DPY19L1: variants seen among roughly 807,000 people sequenced by gnomAD.
DPY19L1 encodes the protein dpy-19 like C-mannosyltransferase 1.
A neutral mutation model predicts 96.9 loss-of-function variants in DPY19L1; 35 were observed. The ratio of observed to expected loss-of-function variants is 0.36; its 90% CI spans 0.28 to 0.48. The LOEUF (loss-of-function observed/expected upper bound fraction) is 0.48. Ranked by LOEUF, DPY19L1 falls within the 20% of genes least tolerant of loss-of-function variation. The pLI, the probability that DPY19L1 is intolerant of heterozygous loss-of-function variation, is 0.99. For missense variants in DPY19L1, 521 were observed against 777.9 expected, an observed-to-expected ratio of 0.67 and a Z score of 3.93; for synonymous variants, 205 against 252.6, an observed-to-expected ratio of 0.81 and a Z score of 1.79.
At position 34,958,008 on chromosome 7, in the gene DPY19L1, A is replaced by G; in HGVS notation, c.1155T>C (p.Tyr385=). The G allele has an allele frequency of 1.3e-6, 2 of 1,585,406 alleles. No individual in the cohort carries two copies. Among genetic ancestry groups the G allele is most frequent in the African/African-American group, 2.7e-5 (2 of 73,306 alleles). The change falls in exon 11 of 22, where the codon TAT becomes TAC. Residue 385 remains tyrosine (Y), a synonymous_variant. Transcript: ENST00000638088. The part of the protein sequence containing the change: ...FGNSMLLTSY[Y]ASSLVIIWGI... ...CCCAAATAATTACCAAAGAAGAAGCATAATAAGAAGTTAATAACATTGAGT... is the reference window on the plus strand; with the variant it reads ...CCCAAATAATTACCAAAGAAGAAGCGTAATAAGAAGTTAATAACATTGAGT...
At chr7:35,004,846 G>T (rs892220257) in intron 6 of DPY19L1, among the ~76,000 whole-genome samples, 1 of 152,170 alleles carries the variant, frequency 6.6e-6, no homozygotes, top group South Asian at 2.1e-4. Flanking sequence ...CAAGTAGGCA[G>T]CAGTGACTGG....
intron 21 of DPY19L1, among the ~76,000 whole-genome samples, chr7:34,937,270 T>C (rs1783888510): frequency 6.6e-6 from 1 of 152,202 alleles, no homozygotes. Context: ...TCAAGTAAGA[T>C]GTGAAACACC....
chr7:35,007,004 T>C (rs1785575630), intron 6 of DPY19L1, among the ~76,000 whole-genome samples: 1 of 152,204 alleles, frequency 6.6e-6, no homozygotes, highest in Non-Finnish European at 1.5e-5. Context: ...CTCCTCTTTA[T>C]TTTTAACCCA....
intron 8 of DPY19L1, among the ~76,000 whole-genome samples, chr7:34,970,801 T>C (rs1379865769): frequency 6.7e-6 from 1 of 148,456 alleles, no homozygotes; most frequent in Non-Finnish European, 1.5e-5. Context: ...AAAATAGCTC[T>C]GACCCAAGAC....
chr7:35,001,700 C>A (rs1785430032), intron 6 of DPY19L1, among the ~76,000 whole-genome samples: 1 of 152,166 alleles, frequency 6.6e-6, no homozygotes, highest in South Asian at 2.1e-4. Flanking sequence ...TCAACCTTAA[C>A]AGATTCCACC....
At chr7:34,945,331 AT>A (rs1784121568) in intron 16 of DPY19L1, among the ~76,000 whole-genome samples, 1 of 152,048 alleles carries the variant, frequency 6.6e-6, no homozygotes, top group Non-Finnish European at 1.5e-5. Flanking sequence ...TTCCCTGCTC[AT>A]TTCCAAAAAG....
chr7:35,029,266 A>C (rs1786203741), intron 1 of DPY19L1, among the ~76,000 whole-genome samples: 1 of 152,250 alleles, frequency 6.6e-6, no homozygotes. Context: ...CTTATTAAAA[A>C]AGTGCATTTT....
chr7:34,953,161 G>A (rs551121481), intron 13 of DPY19L1, among the ~76,000 whole-genome samples: 52 of 152,160 alleles, frequency 3.4e-4, no homozygotes, highest in Non-Finnish European at 6.2e-4. Flanking sequence ...AAAAGGCTGG[G>A]TAGCCTTGCC....
chr7:34,938,062 C>T lies in DPY19L1; in HGVS notation c.2022G>A (p.Lys674=), dbSNP rs772925191. 4 of 1,613,872 alleles carry T rather than the reference C, an allele frequency of 2.5e-6. No individual in the cohort carries two copies. The South Asian group carries it at 3.3e-5, about 13-fold the overall frequency. The change falls in exon 21 of 22, where the codon AAG becomes AAA. Residue 674 remains lysine, a synonymous_variant. Coordinates refer to ENST00000638088, the MANE Select transcript of DPY19L1 (RefSeq NM_001366673.1). ...TCACTTTTAACTTTATCAGTTCTCG[C>T]TTCACTTCTTCGGCTGCTTTCCGAC... ...MYSRKAAEEV[K]RELIKLKVNY...
chr7:34,950,131 A>G lies in DPY19L1; in HGVS notation c.1321-233T>C, dbSNP rs1260236483. On this transcript the variant is annotated intron_variant, in intron 13 of 21. Coordinates refer to ENST00000638088, the MANE Select transcript of DPY19L1 (RefSeq NM_001366673.1). The stretch of plus-strand genomic sequence containing the variant: ...ACCTTCCACACTCATCGACATCCCA[A>G]AGGCTTTTTCCCTTGGGTTTTCCCA... 2.6e-5 allele frequency among the ~76,000 whole-genome samples: 4 copies of G among 151,934 alleles called. No homozygotes were observed. The East Asian group carries it at 5.8e-4, about 22-fold the overall frequency.
At chr7:35,010,750 T>C (rs1785690420) in intron 5 of DPY19L1, among the ~76,000 whole-genome samples, 189 bp from the exon 6 acceptor site, 1 of 152,174 alleles carries the variant, frequency 6.6e-6, no homozygotes, top group Non-Finnish European at 1.5e-5. Context: ...TTAGCAATGA[T>C]GGTTTTAAAA....
At chr7:35,001,863 T>G (rs1375281712) in intron 6 of DPY19L1, among the ~76,000 whole-genome samples, 1 of 152,006 alleles carries the variant, frequency 6.6e-6, no homozygotes, top group African/African-American at 2.4e-5. Context: ...CAGTGGCTCA[T>G]ACCTGTAATC....
At chr7:35,037,663 C>T, upstream of DPY19L1, 1 of 253,726 alleles carries the variant, frequency 3.9e-6, no homozygotes, top group Non-Finnish European at 6.3e-6. Flanking sequence ...GACCGCGGAA[C>T]GCCGGGGGGC....
At chr7:34,941,944 A>G (rs3823761) in intron 17 of DPY19L1, 60 bp from the exon 18 acceptor site, 19 of 1,534,592 alleles carry the variant, frequency 1.2e-5, no homozygotes, top group African/African-American at 9.8e-5. Context: ...AGAATACTAA[A>G]CTGGCAATAT....
intron 9 of DPY19L1, among the ~76,000 whole-genome samples, chr7:34,968,466 T>A (rs1422239495): frequency 1.3e-5 from 2 of 152,066 alleles, no homozygotes. Context: ...CCAAGCAAGA[T>A]GTTCTAAAAA....
At chr7:34,988,460 C>G (rs781735421) in intron 7 of DPY19L1, among the ~76,000 whole-genome samples, 1 of 151,422 alleles carries the variant, frequency 6.6e-6, no homozygotes, top group Non-Finnish European at 1.5e-5. Flanking sequence ...CATACTATAC[C>G]AATTAACTGA....
At chr7:35,037,972 C>G (rs1786490756), upstream of DPY19L1, 9 of 1,155,926 alleles carry the variant, frequency 7.8e-6, no homozygotes, top group South Asian at 1.8e-4. Context: ...CCTGTTAAGG[C>G]TGCGCTTGGA....
intron 10 of DPY19L1, among the ~76,000 whole-genome samples, chr7:34,963,626 CGT>C (rs1336530912): frequency 7.0e-6 from 1 of 142,066 alleles, no homozygotes; most frequent in Non-Finnish European, 1.5e-5. Context: ...TGTGTGTGTG[CGT>C]GTGTGCACAC....
intron 1 of DPY19L1, among the ~76,000 whole-genome samples, chr7:35,034,517 AGC>A (rs1786339520): frequency 1.3e-5 from 2 of 152,230 alleles, no homozygotes; most frequent in African/African-American, 4.8e-5. Flanking sequence ...TACAAATATT[AGC>A]ACTAAATAAG....
Sources: gnomAD v4.1 joint callset for allele counts (sites outside exome capture counted in the v4.1 genomes callset) on GRCh38, gnomAD v4.1.1 for gene constraint, MANE v1.5 for transcripts, NCBI Gene and HGNC (gene_info 2026-07-23, HGNC 2026-07-21) for gene names.